The following CLIC5 variants were observed in gnomAD, a reference collection of about 807,000 sequenced individuals.
CLIC5 encodes CLIC family member 5.
In CLIC5, 20 loss-of-function variants were observed where a neutral mutation model predicts 24.7. The observed-to-expected ratio is 0.81, with a 90% CI of 0.57 to 1.18. The LOEUF is 1.18. CLIC5 is among the 50% of genes most tolerant of loss of function. The probability of loss-of-function intolerance (pLI) is 0.00; values close to 1 mark genes in which losing one functional copy is unlikely to be tolerated. For synonymous variants in CLIC5, 159 were observed against 135.6 expected (o/e 1.17, Z -1.20); for missense variants, 341 against 326.1 (o/e 1.05, Z -0.35).
intron 1 of CLIC5, among the ~76,000 whole-genome samples, chr6:46,030,751 A>G (rs531346204): frequency 6.6e-6 from 1 of 152,124 alleles, no homozygotes; most frequent in Non-Finnish European, 1.5e-5. Context: ...TACTTTCTTC[A>G]TGTTTCCTCA....
chr6:46,106,011 T>G, the CLIC5 span, among the ~76,000 whole-genome samples: 1 of 152,190 alleles, frequency 6.6e-6, no homozygotes, highest in Non-Finnish European at 1.5e-5. Flanking sequence ...GTCAAATGAT[T>G]CTGGGTTGCC....
At chr6:45,931,552 C>T (rs1763735848) in intron 4 of CLIC5, among the ~76,000 whole-genome samples, 1 of 152,134 alleles carries the variant, frequency 6.6e-6, no homozygotes, top group African/African-American at 2.4e-5. Context: ...TTTTTTCACT[C>T]TTTAACATCT....
intron 1 of CLIC5, among the ~76,000 whole-genome samples, chr6:46,046,320 C>T (rs1024986979): frequency 1.3e-5 from 2 of 152,114 alleles, no homozygotes; most frequent in Admixed American, 6.6e-5. Flanking sequence ...AAGGACCTTC[C>T]TAGTTACAGT....
At chr6:46,078,415 T>C (rs1762829130) in intron 1 of CLIC5, among the ~76,000 whole-genome samples, 1 of 152,096 alleles carries the variant, frequency 6.6e-6, no homozygotes, top group Non-Finnish European at 1.5e-5. Context: ...GATGTGGATA[T>C]GGAGGTCAGA....
chr6:46,052,063 T>TA (rs1009123830), intron 1 of CLIC5, among the ~76,000 whole-genome samples: 3 of 151,802 alleles, frequency 2.0e-5, no homozygotes, highest in Admixed American at 1.3e-4. Context: ...ATGACACTGA[T>TA]AAATTAGTCT....
At chr6:45,891,887 TGAA>T (rs1762351393) in intron 6 of CLIC5, among the ~76,000 whole-genome samples, 1 of 152,234 alleles carries the variant, frequency 6.6e-6, no homozygotes, top group Non-Finnish European at 1.5e-5. Flanking sequence ...AACTGTACGA[TGAA>T]GATTATACAC....
chr6:46,127,951 C>T, the CLIC5 span, among the ~76,000 whole-genome samples: 1 of 152,182 alleles, frequency 6.6e-6, no homozygotes, highest in East Asian at 1.9e-4. Context: ...CAGAAGTCTA[C>T]TCTGTTAAAA....
chr6:45,977,306 G>A (rs1230425008), intron 1 of CLIC5, among the ~76,000 whole-genome samples: 2 of 152,044 alleles, frequency 1.3e-5, no homozygotes, highest in South Asian at 2.1e-4. Flanking sequence ...TTAATGACAA[G>A]CATATTGTAA....
the CLIC5 span, among the ~76,000 whole-genome samples, chr6:46,118,955 G>A: frequency 6.6e-6 from 1 of 152,278 alleles, no homozygotes; most frequent in African/African-American, 2.4e-5. Flanking sequence ...TCCTTATCAG[G>A]GAAAAAGGAG....
At position 45,955,129 on chromosome 6, in the gene CLIC5, CG is replaced by C. The variant is rs1764600364; in HGVS notation, c.173+5del. On this transcript the variant is annotated splice_donor_5th_base_variant and intron_variant, in intron 2 of 5. Coordinates refer to ENST00000339561, the MANE Select transcript of CLIC5 (RefSeq NM_016929.5). ...ACATACTCCTCATTTATGCAACGTACGTTACCTTTTCAGATCCACAGTGGTG... is the reference window on the plus strand; with the variant it reads ...ACATACTCCTCATTTATGCAACGTACTTACCTTTTCAGATCCACAGTGGTG... The C allele has an allele frequency of 1.3e-6, 2 of 1,598,766 alleles. No homozygotes were observed. Among genetic ancestry groups the C allele is most frequent in the African/African-American group, 2.7e-5 (2 of 74,624 alleles).
At chr6:46,109,513 T>TAAAAAAAAAAAAAAA in the CLIC5 span, among the ~76,000 whole-genome samples, 2 of 47,182 alleles carry the variant, frequency 4.2e-5, no homozygotes, top group African/African-American at 9.9e-5. Context: ...CAGTCTCCAC[T>TAAAAAAAAAAAAAAA]AAAAAAAAAA....
intron 1 of CLIC5, among the ~76,000 whole-genome samples, chr6:46,054,594 T>C (rs1328317318): frequency 6.6e-6 from 1 of 152,206 alleles, no homozygotes; most frequent in Non-Finnish European, 1.5e-5. Context: ...AACAAATTCA[T>C]ATGTTGAATC....
intron 4 of CLIC5, among the ~76,000 whole-genome samples, chr6:45,923,161 T>C (rs758943656): frequency 6.6e-6 from 1 of 152,238 alleles, no homozygotes; most frequent in Non-Finnish European, 1.5e-5. Flanking sequence ...ATGCTGATTG[T>C]AGTTTATGTG....
intron 1 of CLIC5, among the ~76,000 whole-genome samples, chr6:45,974,247 TC>T (rs1251451318): frequency 2.0e-5 from 3 of 151,846 alleles, no homozygotes; most frequent in African/African-American, 7.3e-5. Context: ...TGGGGGCTGC[TC>T]ATCTCTGGGC....
chr6:45,958,435 T>TATATATATACACACACACACACACAC (rs1561964431), intron 1 of CLIC5, among the ~76,000 whole-genome samples: 129 of 5,604 alleles, frequency 0.023, 11 homozygotes, highest in Non-Finnish European at 0.089. Flanking sequence ...TATATATATA[T>TATATATATACACACACACACACACAC]ATATATATAT....
intron 1 of CLIC5, among the ~76,000 whole-genome samples, chr6:46,033,265 G>T (rs941967151): frequency 3.4e-3 from 511 of 151,276 alleles, no homozygotes; most frequent in African/African-American, 0.011. Context: ...GGGATTACAG[G>T]CATGAGCCAC....
upstream of CLIC5, among the ~76,000 whole-genome samples, chr6:46,016,860 C>T (rs1767029226): frequency 6.6e-6 from 1 of 152,188 alleles, no homozygotes; most frequent in Non-Finnish European, 1.5e-5. Context: ...TCGCTCATTA[C>T]TATGTTTGTG....
chr6:46,069,397 G>T (rs746071605), intron 1 of CLIC5, among the ~76,000 whole-genome samples: 8 of 151,850 alleles, frequency 5.3e-5, no homozygotes, highest in Non-Finnish European at 1.0e-4. Context: ...GACTCCACAG[G>T]AATACAAATA....
chr6:46,112,221 C>T, the CLIC5 span, among the ~76,000 whole-genome samples: 8 of 152,174 alleles, frequency 5.3e-5, no homozygotes, highest in African/African-American at 1.9e-4. Flanking sequence ...AGATAATCTG[C>T]ATAGATGCAG....
Sources: gnomAD v4.1 joint callset for allele counts (sites outside exome capture counted in the v4.1 genomes callset) on GRCh38, gnomAD v4.1.1 for gene constraint, MANE v1.5 for transcripts, NCBI Gene and HGNC (gene_info 2026-07-23, HGNC 2026-07-21) for gene names.